The following GPC6 variants were observed in gnomAD, a reference collection of about 807,000 sequenced individuals.
GPC6 encodes the protein glypican-6.
GPC6 carries 14 observed loss-of-function variants against 55.2 expected under a neutral mutation model. That is an observed-to-expected ratio of 0.25 (90% CI 0.17 to 0.40). GPC6 has a LOEUF of 0.40. GPC6 is among the 10% of genes least tolerant of loss of function. The probability of loss-of-function intolerance (pLI) is 1.00; values close to 1 mark genes in which losing one functional copy is unlikely to be tolerated. For missense variants in GPC6, 641 were observed against 708.5 expected (o/e 0.90, Z 1.08); for synonymous variants, 278 against 259.6 (o/e 1.07, Z -0.68).
intron 1 of GPC6, among the ~76,000 whole-genome samples, chr13:93,424,562 C>A (rs1249488601): frequency 1.3e-5 from 2 of 152,064 alleles, no homozygotes; most frequent in African/African-American, 4.8e-5. Flanking sequence ...CTCTAAAAAT[C>A]TTTTAAGACT....
intron 4 of GPC6, among the ~76,000 whole-genome samples, chr13:94,152,916 T>G (rs1293731078): frequency 6.6e-6 from 1 of 152,198 alleles, no homozygotes; most frequent in East Asian, 1.9e-4. Context: ...CCCACCTTCA[T>G]GAGTTTTGAA....
At chr13:94,233,097 C>A (rs1242522831) in intron 4 of GPC6, among the ~76,000 whole-genome samples, 1 of 136,964 alleles carries the variant, frequency 7.3e-6, no homozygotes, top group Non-Finnish European at 1.5e-5. Context: ...GTGTGAGATA[C>A]AAATATGCAC....
intron 1 of GPC6, among the ~76,000 whole-genome samples, chr13:93,522,042 T>G (rs1035732443): frequency 6.6e-6 from 1 of 152,064 alleles, no homozygotes; most frequent in African/African-American, 2.4e-5. Context: ...TCATTTTATC[T>G]TAAATTTATA....
intron 2 of GPC6, among the ~76,000 whole-genome samples, chr13:93,580,752 T>G (rs1346195303): frequency 6.6e-6 from 1 of 152,188 alleles, no homozygotes; most frequent in African/African-American, 2.4e-5. Flanking sequence ...ATATAATTTT[T>G]CCTTTATAAT....
At chr13:93,523,121 A>T (rs2139402329) in intron 1 of GPC6, among the ~76,000 whole-genome samples, 1 of 151,090 alleles carries the variant, frequency 6.6e-6, no homozygotes, top group South Asian at 2.1e-4. Flanking sequence ...GTGTGTATAT[A>T]TGTACCCATA....
intron 3 of GPC6, among the ~76,000 whole-genome samples, chr13:94,010,099 C>T (rs530561353): frequency 4.6e-5 from 7 of 152,150 alleles, no homozygotes; most frequent in African/African-American, 1.4e-4. Flanking sequence ...ATCAAATAAT[C>T]GATGCTTATT....
chr13:93,463,773 G>A (rs868745303), intron 1 of GPC6, among the ~76,000 whole-genome samples: 3 of 149,834 alleles, frequency 2.0e-5, no homozygotes, highest in African/African-American at 7.4e-5. Context: ...TTCATACAAA[G>A]ACAGTTTTCT....
At chr13:93,510,957 A>ATATATATATATGTGTATATATATATGTG (rs1417491512) in intron 1 of GPC6, among the ~76,000 whole-genome samples, 2 of 14,772 alleles carry the variant, frequency 1.4e-4, no homozygotes, top group African/African-American at 2.5e-4. Flanking sequence ...AGAAATATAT[A>ATATATATATATGTGTATATATATATGTG]TATATATATA....
intron 1 of GPC6, among the ~76,000 whole-genome samples, chr13:93,402,641 T>G (rs1876134002): frequency 3.9e-5 from 6 of 152,158 alleles, no homozygotes; most frequent in Admixed American, 3.3e-4. Context: ...GATTTCTATC[T>G]GGAAAGCTCC....
At chr13:93,647,107 C>G (rs1251170259) in intron 2 of GPC6, among the ~76,000 whole-genome samples, 2 of 152,084 alleles carry the variant, frequency 1.3e-5, no homozygotes, top group Non-Finnish European at 2.9e-5. Context: ...ATAGGCTGAA[C>G]TGTCTTTAAA....
chr13:93,906,587 AG>A (rs1231546821), intron 3 of GPC6, among the ~76,000 whole-genome samples: 1 of 152,192 alleles, frequency 6.6e-6, no homozygotes, highest in Non-Finnish European at 1.5e-5. Flanking sequence ...CAGATACTTA[AG>A]GCAACTGAGT....
intron 1 of GPC6, among the ~76,000 whole-genome samples, chr13:93,513,701 G>A (rs1378795825): frequency 6.6e-6 from 1 of 152,106 alleles, no homozygotes; most frequent in Non-Finnish European, 1.5e-5. Flanking sequence ...ACGATTGCAC[G>A]ATTTCTGTGA....
intron 4 of GPC6, among the ~76,000 whole-genome samples, chr13:94,233,067 T>C (rs1890781090): frequency 6.6e-6 from 1 of 151,056 alleles, no homozygotes; most frequent in Admixed American, 6.6e-5. Flanking sequence ...CTGGCTTAAT[T>C]TGTATTTCCT....
At chr13:93,627,106 C>CG (rs1257440036) in intron 2 of GPC6, among the ~76,000 whole-genome samples, 3 of 152,008 alleles carry the variant, frequency 2.0e-5, no homozygotes, top group Non-Finnish European at 4.4e-5. Context: ...CCGCACCCAT[C>CG]AACCCATTAC....
At chr13:94,146,093 T>C (rs1593984578) in intron 4 of GPC6, among the ~76,000 whole-genome samples, 1 of 152,220 alleles carries the variant, frequency 6.6e-6, no homozygotes, top group Non-Finnish European at 1.5e-5. Flanking sequence ...TGTTTTCTGA[T>C]ATTTCTGCTT....
At chr13:94,353,634 A>C (rs888174921) in intron 6 of GPC6, among the ~76,000 whole-genome samples, 2 of 152,210 alleles carry the variant, frequency 1.3e-5, no homozygotes, top group African/African-American at 2.4e-5. Context: ...TTTCAGATTC[A>C]GTAAAATAGC....
At chr13:93,657,994 G>A (rs1368219428) in intron 2 of GPC6, among the ~76,000 whole-genome samples, 1 of 152,080 alleles carries the variant, frequency 6.6e-6, no homozygotes, top group Non-Finnish European at 1.5e-5. Context: ...CTTAGACATT[G>A]CTGGTGGAAA....
chr13:93,430,646 A>T (rs1229558307), intron 1 of GPC6, among the ~76,000 whole-genome samples: 1 of 152,148 alleles, frequency 6.6e-6, no homozygotes, highest in Non-Finnish European at 1.5e-5. Flanking sequence ...CTGAGTACAG[A>T]ATTTACTTGG....
At chr13:94,203,733 T>C (rs1889823783) in intron 4 of GPC6, among the ~76,000 whole-genome samples, 1 of 152,096 alleles carries the variant, frequency 6.6e-6, no homozygotes, top group South Asian at 2.1e-4. Context: ...ACTTCGAAAA[T>C]TCTCAACTAC....
Sources: gnomAD v4.1 joint callset for allele counts (sites outside exome capture counted in the v4.1 genomes callset) on GRCh38, gnomAD v4.1.1 for gene constraint, MANE v1.5 for transcripts, NCBI Gene and HGNC (gene_info 2026-07-23, HGNC 2026-07-21) for gene names.